The following WDR27 variants were observed in gnomAD, a reference collection of about 807,000 sequenced individuals.
WDR27 encodes WD repeat-containing protein 27.
In WDR27, 100 loss-of-function variants were observed where a neutral mutation model predicts 114.4. That is an observed-to-expected ratio of 0.87 (90% CI 0.74 to 1.03). WDR27 has a LOEUF of 1.03. Ranked by LOEUF, WDR27 falls within the 50% of genes least tolerant of loss-of-function variation. WDR27 has a pLI of 0.00. For synonymous variants in WDR27, 449 were observed against 423.1 expected (o/e 1.06, Z -0.75); for missense variants, 1,129 against 1,092.9 (o/e 1.03, Z -0.47).
At chr6:169,496,100 G>A (rs1790370333) in intron 25 of WDR27, among the ~76,000 whole-genome samples, 1 of 151,970 alleles carries the variant, frequency 6.6e-6, no homozygotes, top group Non-Finnish European at 1.5e-5. Flanking sequence ...TAAAATGCAA[G>A]GATGGTTCAA....
chr6:169,450,174 G>A, the WDR27 span, among the ~76,000 whole-genome samples: 723 of 152,270 alleles, frequency 4.7e-3, 7 homozygotes, highest in East Asian at 0.03. Context: ...ACAGCGTCAT[G>A]GGCACCGCTC....
At position 169,510,619 on chromosome 6, in the gene WDR27, T is replaced by A. The variant is rs1160375596; in HGVS notation, c.2646-52985A>T. 3.7e-5 allele frequency among the ~76,000 whole-genome samples: 4 copies of A among 108,116 alleles called. No individual in the cohort carries two copies. The East Asian group carries it at 1.2e-3, about 33-fold the overall frequency. 70.9% of individuals were successfully genotyped at this position (108,116 alleles called of 152,430 possible). On this transcript the variant is annotated intron_variant, in intron 25 of 25. Transcript: ENST00000448612. ...ACACAGGAAGGGGAATATCACACAC[T>A]GGGGACTGTTGTGGGGTGGGGGGAG...
At chr6:169,700,133 T>C (rs1237474188) in intron 1 of WDR27, among the ~76,000 whole-genome samples, 7 of 152,118 alleles carry the variant, frequency 4.6e-5, no homozygotes, top group Non-Finnish European at 1.0e-4. Context: ...AAAAGGGAGA[T>C]GGTTACAAAA....
chr6:169,499,076 C>T (rs1031925529), intron 25 of WDR27, among the ~76,000 whole-genome samples: 6 of 152,240 alleles, frequency 3.9e-5, no homozygotes. Context: ...TAAGCTACAG[C>T]ACTGACATGG....
chr6:169,554,689 C>G (rs1287873841), intron 25 of WDR27, among the ~76,000 whole-genome samples: 1 of 152,312 alleles, frequency 6.6e-6, no homozygotes, highest in Middle Eastern at 3.4e-3. Flanking sequence ...CACCACCACC[C>G]TCTGTGCTGG....
chr6:169,659,240 C>A lies in WDR27; in HGVS notation c.1198-33G>T. On this transcript the variant is annotated intron_variant, in intron 11 of 25. Coordinates refer to ENST00000448612, the MANE Select transcript of WDR27 (RefSeq NM_182552.5). The surrounding 1 kb of genome is among the most constrained non-coding windows in gnomAD (Gnocchi z 4.3). Reference sequence around the variant, plus strand: ...GACGCGGTTTCAACATCGTTAGCGACACCACCCAGTAAAAGCAGACGAAAC... The same window carrying A: ...GACGCGGTTTCAACATCGTTAGCGAAACCACCCAGTAAAAGCAGACGAAAC... 6.4e-7 allele frequency: 1 copy of A among 1,569,230 alleles called. No homozygotes were observed.
At chr6:169,600,726 C>G (rs895610027) in intron 23 of WDR27, among the ~76,000 whole-genome samples, 1 of 151,922 alleles carries the variant, frequency 6.6e-6, no homozygotes, top group African/African-American at 2.4e-5. Context: ...GATGGAAGAT[C>G]AAATGAATGA....
chr6:169,685,532 T>C (rs979339492), intron 2 of WDR27, among the ~76,000 whole-genome samples: 2 of 152,096 alleles, frequency 1.3e-5, no homozygotes, highest in Non-Finnish European at 2.9e-5. Context: ...AGAGAAATCA[T>C]AGAGTTAAAG....
chr6:169,642,305 C>CCA (rs1331459509), intron 17 of WDR27, among the ~76,000 whole-genome samples: 30 of 151,852 alleles, frequency 2.0e-4, no homozygotes, highest in Admixed American at 2.0e-3. Flanking sequence ...TGGCCCTTCC[C>CCA]CCCCGCCCAC....
intron 21 of WDR27, among the ~76,000 whole-genome samples, chr6:169,628,577 G>T (rs773525915): frequency 6.6e-6 from 1 of 152,132 alleles, no homozygotes; most frequent in Non-Finnish European, 1.5e-5. Context: ...AAAACCAAAA[G>T]TTTTATCTAA....
chr6:169,494,914 T>C (rs1790207686), intron 25 of WDR27, among the ~76,000 whole-genome samples: 3 of 152,192 alleles, frequency 2.0e-5, no homozygotes, highest in Admixed American at 2.0e-4. Context: ...TTTCAGGCAA[T>C]TATTTACTCC....
At chr6:169,522,686 C>T (rs1794525737) in intron 25 of WDR27, among the ~76,000 whole-genome samples, 1 of 151,754 alleles carries the variant, frequency 6.6e-6, no homozygotes, top group Non-Finnish European at 1.5e-5. Context: ...TACACAAACA[C>T]ATGAAAATCA....
At chr6:169,450,354 T>A in the WDR27 span, among the ~76,000 whole-genome samples, 1 of 152,276 alleles carries the variant, frequency 6.6e-6, no homozygotes, top group East Asian at 1.9e-4. Context: ...CACTGCTGCT[T>A]CCCAAGTGCC....
chr6:169,588,113 A>G (rs1584420285), intron 23 of WDR27, among the ~76,000 whole-genome samples: 2 of 152,356 alleles, frequency 1.3e-5, no homozygotes, highest in Admixed American at 1.3e-4. Flanking sequence ...AGAGACGAAC[A>G]GCTCATGCAG....
chr6:169,481,732 C>T (rs368197502), intron 25 of WDR27, among the ~76,000 whole-genome samples: 19 of 151,662 alleles, frequency 1.3e-4, no homozygotes, highest in African/African-American at 2.9e-4. Context: ...CAACTCCAGA[C>T]GGGAGGAATG....
chr6:169,538,484 C>G lies in WDR27; in HGVS notation c.2645+33935G>C, dbSNP rs76737349. Among the ~76,000 whole-genome samples the G allele has an allele frequency of 3.1e-3, 467 of 152,260 alleles. 5 individuals carry two copies. The highest frequency in any genetic ancestry group is 0.026 in the East Asian group (137 of 5,174). ...TAAGGTCACTCTTAAGAACGGATATCCCACCTTTCACAAGCTAAAATGAAA... is the reference window on the plus strand; with the variant it reads ...TAAGGTCACTCTTAAGAACGGATATGCCACCTTTCACAAGCTAAAATGAAA... On this transcript the variant is annotated intron_variant, in intron 25 of 25. Transcript: ENST00000448612.
chr6:169,554,684 C>T (rs996712867), intron 25 of WDR27, among the ~76,000 whole-genome samples: 1 of 152,188 alleles, frequency 6.6e-6, no homozygotes, highest in Admixed American at 6.5e-5. Context: ...GACTGCACCA[C>T]CACCCTCTGT....
chr6:169,439,931 TG>T, the WDR27 span, among the ~76,000 whole-genome samples: 2 of 151,052 alleles, frequency 1.3e-5, no homozygotes, highest in African/African-American at 4.8e-5. Context: ...ATTATTATAT[TG>T]GTAATATAAT....
chr6:169,539,599 A>C (rs1246012843), intron 25 of WDR27, among the ~76,000 whole-genome samples: 3 of 152,178 alleles, frequency 2.0e-5, no homozygotes, highest in Non-Finnish European at 4.4e-5. Flanking sequence ...CCAAATCAAC[A>C]GTCTTTCATC....
Sources: allele counts gnomAD v4.1 joint callset (sites outside exome capture counted in the v4.1 genomes callset), GRCh38; gene constraint gnomAD v4.1.1; non-coding constraint Gnocchi (gnomAD v3.1); transcripts MANE v1.5; gene names NCBI Gene and HGNC (gene_info 2026-07-23, HGNC 2026-07-21).